Variants in TENM3 observed in about 807,000 individuals in gnomAD.
TENM3 encodes the protein teneurin-3.
A neutral mutation model predicts 255.1 loss-of-function variants in TENM3; 63 were observed. The ratio of observed to expected loss-of-function variants is 0.25; its 90% CI spans 0.20 to 0.30. The LOEUF (loss-of-function observed/expected upper bound fraction) is 0.30, where lower values mean the gene tolerates loss of function less well. Among genes scored for constraint, TENM3 ranks in the 10% least tolerant of loss-of-function variants. The probability of loss-of-function intolerance (pLI) is 1.00; values close to 1 mark genes in which losing one functional copy is unlikely to be tolerated. For synonymous variants in TENM3, 1,306 were observed against 1,322.3 expected (o/e 0.99, Z 0.27); for missense variants, 2,929 against 3,461.1 (o/e 0.85, Z 3.86).
At chr4:182,558,544 G>A (rs1263522216) in intron 3 of TENM3, among the ~76,000 whole-genome samples, 1 of 152,204 alleles carries the variant, frequency 6.6e-6, no homozygotes, top group East Asian at 1.9e-4. Context: ...CTGTGTATCA[G>A]TGGAGTAAGA....
chr4:182,732,965 C>T (rs972938576), intron 16 of TENM3, among the ~76,000 whole-genome samples: 2 of 152,178 alleles, frequency 1.3e-5, no homozygotes, highest in African/African-American at 2.4e-5. Context: ...CTGTAGCAGG[C>T]GCTGTTATGT....
the TENM3 span, among the ~76,000 whole-genome samples, chr4:181,538,602 C>A: frequency 6.6e-6 from 1 of 152,068 alleles, no homozygotes; most frequent in Non-Finnish European, 1.5e-5. Context: ...CCATAGAACA[C>A]CTATGAGACT....
intron 3 of TENM3, among the ~76,000 whole-genome samples, chr4:182,364,156 G>T (rs78092468): frequency 6.6e-6 from 1 of 151,800 alleles, no homozygotes; most frequent in Non-Finnish European, 1.5e-5. Context: ...CAAGTAAAAT[G>T]ATGGGATACG....
At position 182,721,891 on chromosome 4, in the gene TENM3, T is replaced by C. The variant is rs961378320; in HGVS notation, c.2369-7074T>C. 1.1e-4 allele frequency among the ~76,000 whole-genome samples: 16 copies of C among 152,322 alleles called. No individual in the cohort carries two copies. In the East Asian group the frequency reaches 2.9e-3, roughly 28 times the overall value. On this transcript the variant is annotated intron_variant, in intron 13 of 27. Coordinates refer to ENST00000511685, the MANE Select transcript of TENM3 (RefSeq NM_001080477.4). ...CTAATTGCTTATTTATTTCCCTTGT[T>C]TTTTTCTATTGAGCTGCTTGATACT...
chr4:181,680,204 C>T, the TENM3 span, among the ~76,000 whole-genome samples: 1 of 152,074 alleles, frequency 6.6e-6, no homozygotes, highest in Admixed American at 6.6e-5. Flanking sequence ...CTGAACTCTA[C>T]AGTCTATAAA....
At chr4:182,619,269 T>TACA (rs879809393) in intron 4 of TENM3, among the ~76,000 whole-genome samples, 2,795 of 151,538 alleles carry the variant, frequency 0.018, 27 homozygotes, top group Non-Finnish European at 0.028. Context: ...CTACTAAAAA[T>TACA]AATTAAAAAA....
the TENM3 span, among the ~76,000 whole-genome samples, chr4:181,876,763 A>T: frequency 6.6e-6 from 1 of 152,072 alleles, no homozygotes; most frequent in Admixed American, 6.6e-5. Context: ...AGATATGCAA[A>T]GTATTTTGAA....
intron 3 of TENM3, among the ~76,000 whole-genome samples, chr4:182,351,168 A>G (rs1765154605): frequency 6.6e-6 from 1 of 152,092 alleles, no homozygotes; most frequent in Non-Finnish European, 1.5e-5. Flanking sequence ...GTGTCAAGAG[A>G]TGTGCAGAAA....
the TENM3 span, among the ~76,000 whole-genome samples, chr4:181,551,345 G>T: frequency 1.3e-5 from 2 of 152,138 alleles, no homozygotes; most frequent in Non-Finnish European, 2.9e-5. Context: ...TGAAATAAAT[G>T]CACAATTTGA....
chr4:182,369,278 T>C (rs1766637649), intron 3 of TENM3, among the ~76,000 whole-genome samples: 1 of 152,212 alleles, frequency 6.6e-6, no homozygotes, highest in South Asian at 2.1e-4. Flanking sequence ...GTATTATCTG[T>C]GTTTTACAGA....
At chr4:182,166,685 G>T (rs972255038) in intron 1 of TENM3, among the ~76,000 whole-genome samples, 2 of 152,050 alleles carry the variant, frequency 1.3e-5, no homozygotes, top group African/African-American at 4.8e-5. Flanking sequence ...AGGCTAGAGT[G>T]CAGTGGTGCG....
At chr4:181,502,021 G>A in the TENM3 span, among the ~76,000 whole-genome samples, 1 of 152,186 alleles carries the variant, frequency 6.6e-6, no homozygotes, top group African/African-American at 2.4e-5. Context: ...ATACCTAGTA[G>A]AACCCAAGAA....
chr4:182,264,542 A>G (rs772820752), intron 1 of TENM3, among the ~76,000 whole-genome samples: 1 of 152,240 alleles, frequency 6.6e-6, no homozygotes, highest in Non-Finnish European at 1.5e-5. Context: ...TCTGGGAAAA[A>G]AGACAGAGAC....
chr4:182,754,477 A>T lies in TENM3; in HGVS notation c.4110A>T (p.Glu1370Asp). Residue 1370 changes from glutamate to aspartate, a missense_variant, in exon 22 of 28, where the codon GAA (glutamate) becomes GAT (aspartate). Glu to Asp is a conservative substitution (Grantham distance 45). Transcript: ENST00000511685. The surrounding 1 kb of genome is among the most constrained non-coding windows in gnomAD (Gnocchi z 5.1). ...LDNNVVLQIT[E>D]NRQVRIAAGR... ...ATAATGTAGTTTTACAGATCACTGA[A>T]AATCGTCAAGTTCGCATTGCTGCTG... 1 of 1,613,256 alleles carries T rather than the reference A, an allele frequency of 6.2e-7. No homozygotes were observed. The highest frequency in any genetic ancestry group is 8.5e-7 in the Non-Finnish European group (1 of 1,179,578).
At chr4:182,017,855 T>A in the TENM3 span, among the ~76,000 whole-genome samples, 4 of 152,204 alleles carry the variant, frequency 2.6e-5, no homozygotes, top group African/African-American at 9.6e-5. Flanking sequence ...TTTCTTTTGC[T>A]ATTTTACAAA....
At chr4:182,345,681 G>A (rs761492713) in intron 2 of TENM3, among the ~76,000 whole-genome samples, 23 of 152,206 alleles carry the variant, frequency 1.5e-4, no homozygotes, top group Middle Eastern at 6.8e-3. Flanking sequence ...GAAATTTCCA[G>A]AATAAATACA....
the TENM3 span, among the ~76,000 whole-genome samples, chr4:181,634,027 T>C: frequency 1.3e-5 from 2 of 152,198 alleles, no homozygotes; most frequent in African/African-American, 4.8e-5. Flanking sequence ...ACTTCCATCT[T>C]CAGTTCAGCC....
chr4:182,240,814 G>C (rs538101371), upstream of TENM3, among the ~76,000 whole-genome samples: 1 of 152,272 alleles, frequency 6.6e-6, no homozygotes, highest in East Asian at 1.9e-4. Flanking sequence ...AGCTCCAGAG[G>C]CTGCTGTTTT....
the TENM3 span, among the ~76,000 whole-genome samples, chr4:181,484,748 G>T: frequency 6.6e-6 from 1 of 151,890 alleles, no homozygotes; most frequent in Non-Finnish European, 1.5e-5. Context: ...TTTACATGTA[G>T]CCTAACAGAT....
Sources: gnomAD v4.1 joint callset for allele counts (sites outside exome capture counted in the v4.1 genomes callset) on GRCh38, gnomAD v4.1.1 for gene constraint, Gnocchi (gnomAD v3.1) non-coding constraint, MANE v1.5 for transcripts, NCBI Gene and HGNC (gene_info 2026-07-23, HGNC 2026-07-21) for gene names.